Variants in ERC2 observed in about 807,000 individuals in gnomAD.
ERC2 encodes the protein ERC protein 2.
In ERC2, 42 loss-of-function variants were observed where a neutral mutation model predicts 114.8. That is an observed-to-expected ratio of 0.37 (90% CI 0.29 to 0.47). The LOEUF is 0.47. Among genes scored for constraint, ERC2 ranks in the 20% least tolerant of loss-of-function variants. The probability of loss-of-function intolerance (pLI) is 0.99; values close to 1 mark genes in which losing one functional copy is unlikely to be tolerated. For synonymous variants in ERC2, 454 were observed against 425.5 expected, an observed-to-expected ratio of 1.07 and a Z score of -0.82; for missense variants, 939 against 1,150.7, an observed-to-expected ratio of 0.82 and a Z score of 2.66.
chr3:55,538,774 G>A (rs2054170936), intron 17 of ERC2, among the ~76,000 whole-genome samples: 1 of 152,040 alleles, frequency 6.6e-6, no homozygotes, highest in Non-Finnish European at 1.5e-5. Flanking sequence ...TTTTCCACCC[G>A]ACCAAAGACT....
chr3:55,552,223 T>C (rs1023760102), intron 17 of ERC2, among the ~76,000 whole-genome samples: 1 of 152,136 alleles, frequency 6.6e-6, no homozygotes, highest in Admixed American at 6.5e-5. Context: ...AGAAGTTTCC[T>C]CTATGCCCCA....
At chr3:55,733,888 G>A (rs2065459911) in intron 15 of ERC2, among the ~76,000 whole-genome samples, 1 of 152,168 alleles carries the variant, frequency 6.6e-6, no homozygotes, top group Admixed American at 6.5e-5. Flanking sequence ...AAATGTGGTA[G>A]CCACTCTGCA....
chr3:56,275,914 T>A (rs188448069), intron 3 of ERC2, among the ~76,000 whole-genome samples: 37 of 152,138 alleles, frequency 2.4e-4, no homozygotes, highest in African/African-American at 8.9e-4. Context: ...CAAGCCCCCA[T>A]CCCCAGCAAA....
At chr3:55,942,775 A>G (rs927264343) in intron 13 of ERC2, among the ~76,000 whole-genome samples, 7 of 152,220 alleles carry the variant, frequency 4.6e-5, no homozygotes, top group African/African-American at 1.7e-4. Flanking sequence ...GATTAAGTGA[A>G]TAGGAACTGA....
At chr3:56,119,315 G>A (rs1005004172) in intron 6 of ERC2, among the ~76,000 whole-genome samples, 1 of 152,204 alleles carries the variant, frequency 6.6e-6, no homozygotes, top group African/African-American at 2.4e-5. Flanking sequence ...ATTTCTCTAT[G>A]AGAATATTTG....
intron 2 of ERC2, among the ~76,000 whole-genome samples, chr3:56,344,740 T>G (rs945105120): frequency 6.6e-6 from 1 of 152,242 alleles, no homozygotes; most frequent in Non-Finnish European, 1.5e-5. Flanking sequence ...GCTCTGGTAA[T>G]GGTGGATCAT....
At chr3:55,882,884 T>C (rs959635269) in intron 14 of ERC2, among the ~76,000 whole-genome samples, 2 of 152,204 alleles carry the variant, frequency 1.3e-5, no homozygotes, top group Non-Finnish European at 2.9e-5. Context: ...ACACTTTCCA[T>C]GTCCCTCCAT....
intron 17 of ERC2, among the ~76,000 whole-genome samples, chr3:55,531,968 AG>A (rs1433224131): frequency 1.3e-5 from 2 of 152,258 alleles, no homozygotes; most frequent in Admixed American, 6.5e-5. Flanking sequence ...ATAAAACTCA[AG>A]GAACTGTCCT....
chr3:55,861,468 A>T (rs1416347085), intron 14 of ERC2, among the ~76,000 whole-genome samples: 1 of 152,242 alleles, frequency 6.6e-6, no homozygotes, highest in African/African-American at 2.4e-5. Flanking sequence ...CCTCCAAAAC[A>T]GAGAACCTGT....
intron 2 of ERC2, among the ~76,000 whole-genome samples, chr3:56,401,087 A>C (rs1409614057): frequency 1.3e-5 from 2 of 152,252 alleles, no homozygotes; most frequent in Non-Finnish European, 2.9e-5. Context: ...ACAGTCTGTG[A>C]ACTTTTCTAG....
At chr3:55,591,574 C>CGTGTGTGTGTGTGTGTGTGCGT (rs2057885420) in intron 17 of ERC2, among the ~76,000 whole-genome samples, 1 of 148,152 alleles carries the variant, frequency 6.7e-6, no homozygotes, top group Non-Finnish European at 1.5e-5. Context: ...AGTTTGTGTG[C>CGTGTGTGTGTGTGTGTGTGCGT]GTGTGTGTGT....
At chr3:56,294,730 T>C (rs2055317273) in intron 3 of ERC2, among the ~76,000 whole-genome samples, 2 of 152,330 alleles carry the variant, frequency 1.3e-5, no homozygotes, top group Middle Eastern at 3.4e-3. Context: ...AAGAGGATTA[T>C]ATAATGGTGT....
intron 13 of ERC2, among the ~76,000 whole-genome samples, chr3:55,948,057 T>C (rs542200056): frequency 6.6e-6 from 1 of 152,376 alleles, no homozygotes; most frequent in Non-Finnish European, 1.5e-5. Context: ...GTTTTGTCTA[T>C]TGCCTTTTGT....
chr3:55,777,516 G>A (rs988296458), intron 14 of ERC2, among the ~76,000 whole-genome samples: 12 of 152,196 alleles, frequency 7.9e-5, no homozygotes, highest in African/African-American at 2.7e-4. Context: ...TGTCTAATCT[G>A]AACTTATTTA....
intron 14 of ERC2, among the ~76,000 whole-genome samples, chr3:55,818,942 A>G (rs2060007342): frequency 6.6e-6 from 1 of 152,210 alleles, no homozygotes; most frequent in Admixed American, 6.5e-5. Context: ...ACTTGGGCAC[A>G]TAGGAAGGAA....
intron 17 of ERC2, among the ~76,000 whole-genome samples, chr3:55,550,305 T>C (rs2055078774): frequency 6.6e-6 from 1 of 152,192 alleles, no homozygotes; most frequent in African/African-American, 2.4e-5. Context: ...AAGCCCTTAT[T>C]CCCATTTGTG....
intron 14 of ERC2, among the ~76,000 whole-genome samples, chr3:55,867,777 AT>A (rs2062393720): frequency 6.6e-6 from 1 of 152,188 alleles, no homozygotes; most frequent in Non-Finnish European, 1.5e-5. Context: ...TGATTTTCAG[AT>A]ATTAAAAGAG....
chr3:55,889,484 G>A (rs1379494475), intron 13 of ERC2, among the ~76,000 whole-genome samples: 2 of 152,084 alleles, frequency 1.3e-5, no homozygotes, highest in African/African-American at 4.8e-5. Context: ...AAATATCCAC[G>A]GTTTTCAGCC....
chr3:56,217,239 C>A (rs1239346759), intron 3 of ERC2, among the ~76,000 whole-genome samples: 1 of 152,172 alleles, frequency 6.6e-6, no homozygotes, highest in Non-Finnish European at 1.5e-5. Flanking sequence ...ATCTAGAAAA[C>A]CCCATTGTCT....
Sources: allele counts gnomAD v4.1 joint callset (sites outside exome capture counted in the v4.1 genomes callset), GRCh38; gene constraint gnomAD v4.1.1; transcripts MANE v1.5; gene names NCBI Gene and HGNC (gene_info 2026-07-23, HGNC 2026-07-21).